The following ARHGAP33 variants were observed in gnomAD, a reference collection of about 807,000 sequenced individuals.
ARHGAP33 encodes the protein rho GTPase-activating protein 33.
ARHGAP33 carries 57 observed loss-of-function variants against 126.2 expected under a neutral mutation model. The observed-to-expected ratio is 0.45, with a 90% CI of 0.36 to 0.56. ARHGAP33 has a LOEUF of 0.56. Among genes scored for constraint, ARHGAP33 ranks in the 20% least tolerant of loss-of-function variants. The probability of loss-of-function intolerance (pLI) is 0.00; values close to 1 mark genes in which losing one functional copy is unlikely to be tolerated. For synonymous variants in ARHGAP33, 711 were observed against 755.0 expected, an observed-to-expected ratio of 0.94 and a Z score of 0.95; for missense variants, 1,500 against 1,748.3, an observed-to-expected ratio of 0.86 and a Z score of 2.53.
rs748747603 is a variant in ARHGAP33, at chr19:35,788,324, G to C, written c.3759G>C (p.Leu1253Phe). ...GGGGCGAGCTCCACCGAGGGTCCTTGTACAGAAATGGAGGGCAAAGAGGGG... is the reference window on the plus strand; with the variant it reads ...GGGGCGAGCTCCACCGAGGGTCCTTCTACAGAAATGGAGGGCAAAGAGGGG... Reference protein sequence around the residue: ...GRGGELHRGSLYRNGGQRGEG... With the variant: ...GRGGELHRGSFYRNGGQRGEG... Residue 1253 changes from leucine (L) to phenylalanine (F), a missense_variant, in exon 21 of 21, where the codon TTG becomes TTC. Coordinates refer to ENST00000007510, the MANE Select transcript of ARHGAP33 (RefSeq NM_001366178.1). 39 of 1,608,820 alleles carry C rather than the reference G, an allele frequency of 2.4e-5. 1 individual carries two copies. In the Middle Eastern group the frequency reaches 6.6e-4, roughly 27 times the overall value.
intron 16 of ARHGAP33, 85 bp downstream of exon 16, chr19:35,784,402 G>T: frequency 1.4e-6 from 2 of 1,448,154 alleles, no homozygotes; most frequent in Non-Finnish European, 1.8e-6. Flanking sequence ...TCCCAGTCCC[G>T]TCCCCACCCC....
At position 35,780,140 on chromosome 19, in the gene ARHGAP33, G is replaced by A. The variant is rs866357322; in HGVS notation, c.502-71G>A. On this transcript the variant is annotated intron_variant, in intron 6 of 20. Coordinates refer to ENST00000007510, the MANE Select transcript of ARHGAP33 (RefSeq NM_001366178.1). ...GGCGGGCAGTGGCCTCACCCAGCGC[G>A]GAGGAGCTTGGTATGCCTGCACTAA... The A allele has an allele frequency of 2.1e-5, 34 of 1,583,322 alleles. 1 individual carries two copies. The highest frequency in any genetic ancestry group is 1.0e-4 in the Admixed American group (6 of 58,842).
intron 15 of ARHGAP33, among the ~76,000 whole-genome samples, chr19:35,783,627 C>T (rs1971924571): frequency 6.6e-6 from 1 of 151,886 alleles, no homozygotes; most frequent in South Asian, 2.1e-4. Flanking sequence ...GAGTGAGGGG[C>T]TGAGGGAGAG....
At position 35,788,565 on chromosome 19, in the gene ARHGAP33, G is replaced by A. The variant is rs1972248856; in HGVS notation, c.*136G>A. On this transcript the variant is annotated 3_prime_UTR_variant, in exon 21 of 21. Transcript: ENST00000007510. ...TAACTTTGTAACTTGCTTCTGATGT[G>A]GGTCCCTAACCTATAATCTCAGCTT... is the stretch of plus-strand genomic sequence containing the variant. The A allele has an allele frequency of 2.6e-6, 2 of 767,562 alleles. No homozygotes were observed. The highest frequency in any genetic ancestry group is 3.4e-5 in the Admixed American group (1 of 29,314). 47.5% of individuals were successfully genotyped at this position (767,562 alleles called of 1,614,324 possible). A position where few individuals can be genotyped will look rare whatever the true frequency, so the allele number is the denominator to read the frequency against.
chr19:35,785,659 A>G, intron 19 of ARHGAP33, 176 bp downstream of exon 19: 2 of 1,434,702 alleles, frequency 1.4e-6, no homozygotes, highest in Non-Finnish European at 9.1e-7. Flanking sequence ...CCTTTGGTTC[A>G]TCACACACTG....
chr19:35,788,281 C>T lies in ARHGAP33; in HGVS notation c.3716C>T (p.Pro1239Leu), dbSNP rs755630703. The T allele has an allele frequency of 7.5e-6, 12 of 1,609,964 alleles. No homozygotes were observed. Among genetic ancestry groups the T allele is most frequent in the Admixed American group, 6.8e-5 (4 of 59,198 alleles). The change falls in exon 21 of 21, where the codon CCG (proline) becomes CTG (leucine). Residue 1239 changes from proline to leucine, a missense_variant. This residue lies in a region of ARHGAP33 where 642 missense variants were observed against 634.0 expected (regional missense o/e 1.01). Coordinates refer to ENST00000007510, the MANE Select transcript of ARHGAP33 (RefSeq NM_001366178.1). ...PEPLLLYRAAPPAYGRGGELH... is the reference protein window; with the variant it reads ...PEPLLLYRAALPAYGRGGELH... ...CCTCTCCTGCTCTACAGGGCAGCCCCGCCAGCCTACGGAAGGGGGGGCGAG... is the reference window on the plus strand; with the variant it reads ...CCTCTCCTGCTCTACAGGGCAGCCCTGCCAGCCTACGGAAGGGGGGGCGAG...
Position 35,788,202 on chromosome 19 carries a change from C to T in ARHGAP33, c.3637C>T (p.Pro1213Ser). Residue 1213 changes from proline to serine, a missense_variant, in exon 21 of 21, where the codon CCC becomes TCC. Pro to Ser is a moderately conservative substitution (Grantham distance 74). This residue lies in a region of ARHGAP33 where 642 missense variants were observed against 634.0 expected (regional missense o/e 1.01). Transcript: ENST00000007510. ...VPRLPQKQRAPWGPRTPHRVP... is the reference protein window; with the variant it reads ...VPRLPQKQRASWGPRTPHRVP... ...CCGCCTTCCCCAGAAACAACGGGCACCCTGGGGACCCCGTACCCCTCATAG... is the reference window on the plus strand; with the variant it reads ...CCGCCTTCCCCAGAAACAACGGGCATCCTGGGGACCCCGTACCCCTCATAG... 6.2e-7 allele frequency: 1 copy of T among 1,608,714 alleles called. No individual in the cohort carries two copies. Among genetic ancestry groups the T allele is most frequent in the Non-Finnish European group, 8.5e-7 (1 of 1,178,314 alleles).
intron 1 of ARHGAP33, 177 bp from the exon 2 acceptor site, chr19:35,777,468 C>G (rs1417308959): frequency 8.1e-6 from 5 of 619,400 alleles, no homozygotes; most frequent in Non-Finnish European, 1.2e-5. Flanking sequence ...AGACCACACA[C>G]GAAGAAGCAG....
rs371421271 is a variant in ARHGAP33 at position 35,787,446 on chromosome 19, G to A, written c.2881G>A (p.Ala961Thr). 2 of 1,612,076 alleles carry A rather than the reference G, an allele frequency of 1.2e-6. No homozygotes were observed. The highest frequency in any genetic ancestry group is 2.2e-5 in the East Asian group (1 of 44,862). ...PPPNSLAHPG[A>T]WVPGPPPYLP... ...TCCCAACTCCCTAGCACACCCGGGT[G>A]CCTGGGTCCCGGGACCCCCACCCTA... is the stretch of plus-strand genomic sequence containing the variant. The change falls in exon 21 of 21, where the codon GCC (alanine) becomes ACC (threonine). Residue 961 changes from alanine (A) to threonine (T), a missense_variant. Around this residue, in one of 6 missense-constraint regions of ARHGAP33, gnomAD observed 642 missense variants for 634.0 expected, o/e 1.01. Coordinates refer to ENST00000007510, the MANE Select transcript of ARHGAP33 (RefSeq NM_001366178.1).
In ARHGAP33 at chr19:35,780,802, C is replaced by T. The variant is rs781580704; in HGVS notation, c.815C>T (p.Ser272Leu). The stretch of plus-strand genomic sequence containing the variant: ...GGCATCCCGGCTCCCCAGGGTATCT[C>T]GTCTCTGACCTCAGGTAATAGAAAT... ...PCGIPAPQGI[S>L]SLTSAVPRPR... Residue 272 changes from serine (S) to leucine (L), a missense_variant, in exon 10 of 21, where the codon TCG becomes TTG. Physicochemically the swap from Ser to Leu is moderately radical, Grantham distance 145 (BLOSUM62 -2). Around this residue, in one of 6 missense-constraint regions of ARHGAP33, gnomAD observed 281 missense variants for 413.7 expected, o/e 0.68. Transcript: ENST00000007510. 7.4e-6 allele frequency: 12 copies of T among 1,613,890 alleles called. No homozygotes were observed. Among genetic ancestry groups the T allele is most frequent in the African/African-American group, 6.7e-5 (5 of 74,896 alleles).
In ARHGAP33 at chr19:35,788,156, A is replaced by G. The variant is rs1487911715; in HGVS notation, c.3591A>G (p.Ser1197=). Residue 1197 remains serine (S), a synonymous_variant, in exon 21 of 21, where the codon TCA becomes TCG. Transcript: ENST00000007510. Reference sequence around the variant, plus strand: ...CTCCTGCCCACCCCCGAAGCCGTTCAGATCCCGGTCCCCCAGTCCCCCGCC... The same window carrying G: ...CTCCTGCCCACCCCCGAAGCCGTTCGGATCCCGGTCCCCCAGTCCCCCGCC... ...SSPPAHPRSR[S]DPGPPVPRLP... is the part of the protein sequence containing the mutation. 1.3e-6 allele frequency: 2 copies of G among 1,589,542 alleles called. No homozygotes were observed. Among genetic ancestry groups the G allele is most frequent in the Non-Finnish European group, 1.7e-6 (2 of 1,170,410 alleles).
rs1972182170 is a variant in ARHGAP33 at position 35,787,459 on chromosome 19, G to T, written c.2894G>T (p.Gly965Val). ...SLAHPGAWVP[G>V]PPPYLPRQQS... ...GCACACCCGGGTGCCTGGGTCCCGG[G>T]ACCCCCACCCTACTTACCAAGGCAA... The change falls in exon 21 of 21, where the codon GGA becomes GTA. Residue 965 changes from glycine (G) to valine (V), a missense_variant. Gly to Val is a moderately radical substitution (Grantham distance 109). Coordinates refer to ENST00000007510, the MANE Select transcript of ARHGAP33 (RefSeq NM_001366178.1). 4 of 1,612,350 alleles carry T rather than the reference G, an allele frequency of 2.5e-6. No homozygotes were observed. Among genetic ancestry groups the T allele is most frequent in the Non-Finnish European group, 3.4e-6 (4 of 1,179,422 alleles).
chr19:35,782,632 G>A lies in ARHGAP33; in HGVS notation c.1266G>A (p.Leu422=), dbSNP rs2291067. Residue 422 remains leucine, a synonymous_variant, in exon 14 of 21, where the codon CTG becomes CTA. Coordinates refer to ENST00000007510, the MANE Select transcript of ARHGAP33 (RefSeq NM_001366178.1). The surrounding 1 kb of genome is among the most constrained non-coding windows in gnomAD (Gnocchi z 4.1). ...AMSVPGEEER[L]VRVHDVIQQL... ...CAGTGCCTGGGGAGGAGGAGCGTCTGGTGCGGGTGCACGATGTCATCCAGC... is the reference window on the plus strand; with the variant it reads ...CAGTGCCTGGGGAGGAGGAGCGTCTAGTGCGGGTGCACGATGTCATCCAGC... 0.19 allele frequency: 299,613 copies of A among 1,613,024 alleles called. 30,206 individuals carry two copies. Among genetic ancestry groups the A allele is most frequent in the South Asian group, 0.34 (30,974 of 90,946 alleles).
At position 35,787,900 on chromosome 19, in the gene ARHGAP33, C is replaced by T. The variant is rs777851197; in HGVS notation, c.3335C>T (p.Pro1112Leu). 4.4e-6 allele frequency: 7 copies of T among 1,607,180 alleles called. No individual in the cohort carries two copies. The highest frequency in any genetic ancestry group is 5.9e-6 in the Non-Finnish European group (7 of 1,176,824). Residue 1112 changes from proline (P) to leucine (L), a missense_variant, in exon 21 of 21, where the codon CCC becomes CTC. Pro to Leu is a moderately conservative substitution (Grantham distance 98). This residue lies in a region of ARHGAP33 where 642 missense variants were observed against 634.0 expected (regional missense o/e 1.01). Coordinates refer to ENST00000007510, the MANE Select transcript of ARHGAP33 (RefSeq NM_001366178.1). ...TGGAGTCCCTTTCGCTCCATGCCCC[C>T]CGACAGGCTCAATGCCTCCTACGGC... ...RSWSPFRSMP[P>L]DRLNASYGML...
chr19:35,784,086 G>C (rs1971956079), intron 15 of ARHGAP33, 86 bp from the exon 16 acceptor site: 1 of 1,194,300 alleles, frequency 8.4e-7, no homozygotes, highest in Admixed American at 2.0e-5. Context: ...GACAGTCACT[G>C]CCTCCCCTGG....
intron 5 of ARHGAP33, 102 bp from the exon 6 acceptor site, chr19:35,778,930 T>A: frequency 2.0e-6 from 2 of 989,702 alleles, no homozygotes; most frequent in Non-Finnish European, 3.1e-6. Context: ...ACCCATGTGT[T>A]CAGGATGAAC....
chr19:35,780,307 C>A lies in ARHGAP33; in HGVS notation c.598C>A (p.Gln200Lys). ...CCATGTGATCAAACGGTATACAGCC[C>A]AGGCGCCAGATGAGCTGTCCTTTGA... ...AAHVIKRYTA[Q>K]APDELSFEVG... The change falls in exon 7 of 21, where the codon CAG (glutamine) becomes AAG (lysine). Residue 200 changes from glutamine to lysine, a missense_variant. This residue lies in a region of ARHGAP33 where 75 missense variants were observed against 152.7 expected (regional missense o/e 0.49). Coordinates refer to ENST00000007510, the MANE Select transcript of ARHGAP33 (RefSeq NM_001366178.1). 6.2e-7 allele frequency: 1 copy of A among 1,613,836 alleles called. No homozygotes were observed. Among genetic ancestry groups the A allele is most frequent in the South Asian group, 1.1e-5 (1 of 91,082 alleles).
chr19:35,777,940 G>C (rs545338422), intron 3 of ARHGAP33, 32 bp downstream of exon 3: 28 of 1,607,248 alleles, frequency 1.7e-5, no homozygotes, highest in Non-Finnish European at 2.4e-5. Context: ...ACCCAGGAGG[G>C]AAGACAATAT....
Position 35,785,122 on chromosome 19 carries a change from G to A in ARHGAP33, c.1721+16G>A. The A allele has an allele frequency of 6.3e-7, 1 of 1,590,334 alleles. No individual in the cohort carries two copies. The highest frequency in any genetic ancestry group is 1.1e-5 in the South Asian group (1 of 89,632). ...CTGCGGAAAGGTGAGTGGGATGCTGGGGGTGGCGAGGGGCAGGTGGAGGCC... is the reference window on the plus strand; with the variant it reads ...CTGCGGAAAGGTGAGTGGGATGCTGAGGGTGGCGAGGGGCAGGTGGAGGCC... On this transcript the variant is annotated intron_variant, in intron 17 of 20. Coordinates refer to ENST00000007510, the MANE Select transcript of ARHGAP33 (RefSeq NM_001366178.1).
Sources: allele counts gnomAD v4.1 joint callset (sites outside exome capture counted in the v4.1 genomes callset), GRCh38; gene constraint gnomAD v4.1.1; regional missense constraint gnomAD v4.1.1; non-coding constraint Gnocchi (gnomAD v3.1); transcripts MANE v1.5; gene names NCBI Gene and HGNC (gene_info 2026-07-23, HGNC 2026-07-21).